The following SLC25A26 variants were observed in gnomAD, a reference collection of about 807,000 sequenced individuals.
SLC25A26 encodes solute carrier family 25 member 26.
In SLC25A26, 36 loss-of-function variants were observed where a neutral mutation model predicts 37.8. The ratio of observed to expected loss-of-function variants is 0.95; its 90% CI spans 0.73 to 1.26. The LOEUF is 1.26. Among genes scored for constraint, SLC25A26 ranks in the 50% most tolerant of loss-of-function variants. The probability of loss-of-function intolerance (pLI) is 0.00; values close to 1 mark genes in which losing one functional copy is unlikely to be tolerated. For missense variants in SLC25A26, 390 were observed against 331.1 expected (o/e 1.18, Z -1.38); for synonymous variants, 129 against 122.5 (o/e 1.05, Z -0.35).
chr3:66,171,209 G>A (rs949162283), intron 1 of SLC25A26, among the ~76,000 whole-genome samples: 3 of 152,170 alleles, frequency 2.0e-5, no homozygotes, highest in Non-Finnish European at 2.9e-5. Context: ...TTTTACATTT[G>A]TGGACCAGAA....
At chr3:66,296,274 A>G (rs903485976) in intron 5 of SLC25A26, among the ~76,000 whole-genome samples, 1 of 152,176 alleles carries the variant, frequency 6.6e-6, no homozygotes, top group Non-Finnish European at 1.5e-5. Flanking sequence ...TTTTCACTCT[A>G]GTTGTTTTAG....
At chr3:66,156,942 A>G (rs150944397) in intron 1 of SLC25A26, among the ~76,000 whole-genome samples, 5 of 152,266 alleles carry the variant, frequency 3.3e-5, no homozygotes, top group African/African-American at 1.2e-4. Flanking sequence ...ATCCTCAGAA[A>G]CAACAACTGG....
intron 1 of SLC25A26, among the ~76,000 whole-genome samples, chr3:66,165,864 A>G (rs1310424651): frequency 6.6e-6 from 1 of 152,058 alleles, no homozygotes; most frequent in East Asian, 1.9e-4. Context: ...GAAACACAAC[A>G]TGCAAGGAGT....
At chr3:66,246,851 C>G (rs1411932415) in intron 3 of SLC25A26, among the ~76,000 whole-genome samples, 2 of 152,024 alleles carry the variant, frequency 1.3e-5, no homozygotes, top group Admixed American at 6.6e-5. Context: ...CCTGGCAATT[C>G]CTAGAGAATC....
intron 1 of SLC25A26, among the ~76,000 whole-genome samples, chr3:66,149,815 C>T (rs1380400323): frequency 1.3e-5 from 2 of 152,192 alleles, no homozygotes; most frequent in African/African-American, 2.4e-5. Flanking sequence ...CAGTCTTGGA[C>T]TGTCTGAGGC....
intron 3 of SLC25A26, among the ~76,000 whole-genome samples, chr3:66,260,428 T>C (rs1004684258): frequency 2.6e-5 from 4 of 152,208 alleles, no homozygotes; most frequent in African/African-American, 7.2e-5. Flanking sequence ...GTTCAGTGAA[T>C]GAAGAAATGG....
chr3:66,225,687 C>G (rs1267039152), intron 1 of SLC25A26, among the ~76,000 whole-genome samples: 1 of 152,168 alleles, frequency 6.6e-6, no homozygotes, highest in Non-Finnish European at 1.5e-5. Flanking sequence ...CATCAGGCTG[C>G]AAATTTTCCA....
chr3:66,165,041 C>G (rs764640790), intron 1 of SLC25A26, among the ~76,000 whole-genome samples: 17 of 152,304 alleles, frequency 1.1e-4, no homozygotes, highest in Non-Finnish European at 2.1e-4. Flanking sequence ...CAGTATGTGA[C>G]CTCAGAGACT....
chr3:66,164,927 A>C (rs1002382914), intron 1 of SLC25A26, among the ~76,000 whole-genome samples: 1 of 152,192 alleles, frequency 6.6e-6, no homozygotes, highest in Non-Finnish European at 1.5e-5. Flanking sequence ...ACAAGGATGC[A>C]TGGAAGAAGC....
At chr3:66,171,758 G>A (rs913901671) in intron 1 of SLC25A26, among the ~76,000 whole-genome samples, 1 of 152,162 alleles carries the variant, frequency 6.6e-6, no homozygotes, top group African/African-American at 2.4e-5. Context: ...CCAAAGTGCT[G>A]GGATTACAGG....
rs1205414760 is a variant in SLC25A26 at position 66,187,537 on chromosome 3, C to T, written c.-353-33205C>T. 4.6e-5 allele frequency among the ~76,000 whole-genome samples: 7 copies of T among 152,200 alleles called. No individual in the cohort carries two copies. In the East Asian group the frequency reaches 1.4e-3, roughly 29 times the overall value. ...AAAGACCCTGATATTCATGCTATCA[C>T]CCTGACTCTACCCTTACCCTGGCCC... On this transcript the variant is annotated intron_variant, in intron 1 of 10. Coordinates refer to the SLC25A26 transcript ENST00000676754.
At chr3:66,309,874 T>C (rs1035098193) in intron 5 of SLC25A26, among the ~76,000 whole-genome samples, 3 of 152,218 alleles carry the variant, frequency 2.0e-5, no homozygotes, top group Non-Finnish European at 4.4e-5. Context: ...CTGTTTGTTA[T>C]GATTTCCATT....
Position 66,170,733 on chromosome 3 carries a change from G to A in SLC25A26, c.-354+36749G>A, listed in dbSNP as rs563498580. 3.3e-5 allele frequency among the ~76,000 whole-genome samples: 5 copies of A among 150,336 alleles called. No homozygotes were observed. The South Asian group carries it at 6.3e-4, about 19-fold the overall frequency. On this transcript the variant is annotated intron_variant, in intron 1 of 10. Transcript: ENST00000676754. ...CACAGTGCCTGACACACATAGTGCCGGACACATGTAGTGCCTGAAGCCCAG... is the reference window on the plus strand; with the variant it reads ...CACAGTGCCTGACACACATAGTGCCAGACACATGTAGTGCCTGAAGCCCAG...
At chr3:66,375,353 C>G (rs540006889) in intron 9 of SLC25A26, among the ~76,000 whole-genome samples, 4 of 152,320 alleles carry the variant, frequency 2.6e-5, no homozygotes, top group Non-Finnish European at 4.4e-5. Context: ...GATGAAGGCA[C>G]TAACACTAAA....
intron 1 of SLC25A26, among the ~76,000 whole-genome samples, chr3:66,232,623 A>C (rs1328780139): frequency 6.6e-6 from 1 of 152,224 alleles, no homozygotes; most frequent in Non-Finnish European, 1.5e-5. Flanking sequence ...GCATCTGTAC[A>C]AACTCCTTGA....
intron 3 of SLC25A26, among the ~76,000 whole-genome samples, chr3:66,249,578 C>T (rs887361461): frequency 3.3e-5 from 5 of 152,160 alleles, no homozygotes; most frequent in African/African-American, 1.2e-4. Context: ...TAAGAAGAAC[C>T]ACTGAGCAAG....
intron 5 of SLC25A26, among the ~76,000 whole-genome samples, chr3:66,300,141 ATGC>A (rs1309214432): frequency 2.0e-5 from 3 of 151,982 alleles, no homozygotes; most frequent in African/African-American, 7.2e-5. Flanking sequence ...TCATCCATTC[ATGC>A]TGATAAGTCT....
intron 7 of SLC25A26, among the ~76,000 whole-genome samples, chr3:66,367,430 C>T (rs1575616419): frequency 1.3e-5 from 2 of 152,122 alleles, no homozygotes; most frequent in South Asian, 4.2e-4. Flanking sequence ...GTAAGAGTTC[C>T]TAGCTCATAA....
chr3:66,317,856 A>G (rs982100928), intron 5 of SLC25A26, among the ~76,000 whole-genome samples: 1 of 152,170 alleles, frequency 6.6e-6, no homozygotes, highest in Non-Finnish European at 1.5e-5. Context: ...GGAGGAGTGG[A>G]TCGGGGTCCT....
Sources: gnomAD v4.1 joint callset for allele counts (sites outside exome capture counted in the v4.1 genomes callset) on GRCh38, gnomAD v4.1.1 for gene constraint, MANE v1.5 for transcripts, NCBI Gene and HGNC (gene_info 2026-07-23, HGNC 2026-07-21) for gene names.